The following PKN2 variants were observed in gnomAD, a reference collection of about 807,000 sequenced individuals.
PKN2 encodes the protein protein kinase N2, also known as serine/threonine-protein kinase N2.
Under a neutral mutation model 119.1 loss-of-function variants are expected in PKN2, and 38 were observed. That is an observed-to-expected ratio of 0.32 (90% CI 0.25 to 0.42). The LOEUF (loss-of-function observed/expected upper bound fraction) is 0.42, where lower values mean the gene tolerates loss of function less well. Ranked by LOEUF, PKN2 falls within the 10% of genes least tolerant of loss-of-function variation. The pLI is 1.00. For missense variants in PKN2, 850 were observed against 1,165.1 expected (o/e 0.73, Z 3.94); for synonymous variants, 390 against 384.9 (o/e 1.01, Z -0.15).
At chr1:88,831,277 G>A (rs1381186318) in intron 19 of PKN2, among the ~76,000 whole-genome samples, 1 of 151,708 alleles carries the variant, frequency 6.6e-6, no homozygotes, top group Non-Finnish European at 1.5e-5. Context: ...TTTAACAAAT[G>A]TATAGATATT....
chr1:88,824,014 A>AAAG (rs1672401004), intron 17 of PKN2, among the ~76,000 whole-genome samples: 1 of 151,740 alleles, frequency 6.6e-6, no homozygotes, highest in Admixed American at 6.6e-5. Context: ...GTCTCAAAAA[A>AAAG]AAAAAAAAAA....
At chr1:88,760,504 C>G (rs1291468193) in intron 3 of PKN2, 128 bp downstream of exon 3, 5 of 536,140 alleles carry the variant, frequency 9.3e-6, no homozygotes, top group Non-Finnish European at 1.6e-5. Flanking sequence ...GGCACTTTGG[C>G]AGTCATTTGT....
At chr1:88,727,482 T>A (rs1245572954) in intron 1 of PKN2, among the ~76,000 whole-genome samples, 1 of 152,210 alleles carries the variant, frequency 6.6e-6, no homozygotes, top group African/African-American at 2.4e-5. Context: ...AAGGCCACAT[T>A]TTTTTAATCC....
chr1:88,698,807 G>T (rs1016032819), intron 1 of PKN2, among the ~76,000 whole-genome samples: 3 of 152,012 alleles, frequency 2.0e-5, no homozygotes, highest in African/African-American at 7.2e-5. Flanking sequence ...TGATTTATAG[G>T]TGACTTACAA....
chr1:88,820,136 G>A (rs1482463061), intron 16 of PKN2, among the ~76,000 whole-genome samples: 1 of 130,928 alleles, frequency 7.6e-6, no homozygotes, highest in Non-Finnish European at 1.6e-5. Context: ...GAACTTAAAA[G>A]TATAATTTAA....
chr1:88,806,390 AAAC>A, intron 12 of PKN2: 3 of 217,416 alleles, frequency 1.4e-5, no homozygotes, highest in Non-Finnish European at 2.8e-5. Flanking sequence ...GGCTGGTCTT[AAAC>A]TCCTGACCTC....
At chr1:88,807,149 T>A (rs1310689077) in intron 12 of PKN2, among the ~76,000 whole-genome samples, 164 bp from the exon 13 acceptor site, 1 of 151,946 alleles carries the variant, frequency 6.6e-6, no homozygotes, top group Non-Finnish European at 1.5e-5. Context: ...GACCCACCTC[T>A]AAAAAAAGAA....
intron 2 of PKN2, among the ~76,000 whole-genome samples, chr1:88,743,029 A>G (rs957711014): frequency 6.6e-6 from 1 of 152,116 alleles, no homozygotes; most frequent in Non-Finnish European, 1.5e-5. Context: ...TGTCTCTACT[A>G]AAAATACGAA....
intron 8 of PKN2, among the ~76,000 whole-genome samples, chr1:88,787,388 A>G (rs1005693709): frequency 7.9e-5 from 12 of 152,178 alleles, no homozygotes; most frequent in African/African-American, 2.4e-4. Flanking sequence ...TTTATATTGA[A>G]AAGAGAAATT....
At chr1:88,815,715 T>G (rs1570673513) in intron 16 of PKN2, among the ~76,000 whole-genome samples, 2 of 152,240 alleles carry the variant, frequency 1.3e-5, no homozygotes, top group Non-Finnish European at 2.9e-5. Context: ...GTAAAATATC[T>G]TAAGGCTTGA....
chr1:88,693,114 G>GTGTATGTATA, intron 1 of PKN2, among the ~76,000 whole-genome samples: 1 of 152,210 alleles, frequency 6.6e-6, no homozygotes, highest in Middle Eastern at 3.4e-3. Flanking sequence ...CACTTCATCA[G>GTGTATGTATA]TTGCTTATTT....
At chr1:88,813,992 T>A (rs1671882326) in intron 16 of PKN2, among the ~76,000 whole-genome samples, 2 of 152,140 alleles carry the variant, frequency 1.3e-5, no homozygotes, top group Admixed American at 1.3e-4. Flanking sequence ...GTAAAATTTC[T>A]TTTTTTGCTA....
intron 19 of PKN2, chr1:88,829,309 G>A: frequency 1.7e-6 from 1 of 598,728 alleles, no homozygotes; most frequent in South Asian, 1.7e-5. Flanking sequence ...CTTCACATGT[G>A]CTATCAAAAG....
intron 1 of PKN2, among the ~76,000 whole-genome samples, chr1:88,717,276 G>A (rs577307822): frequency 2.6e-5 from 4 of 152,144 alleles, no homozygotes; most frequent in Admixed American, 2.6e-4. Context: ...ATGTATCTTG[G>A]AGTTGCTCTT....
intron 2 of PKN2, among the ~76,000 whole-genome samples, chr1:88,756,401 C>G (rs1669203863): frequency 1.3e-5 from 2 of 152,164 alleles, no homozygotes; most frequent in Admixed American, 6.5e-5. Flanking sequence ...CCTTTTTACT[C>G]ATTGGTTCTA....
intron 1 of PKN2, among the ~76,000 whole-genome samples, chr1:88,738,058 T>G (rs113407287): frequency 2.6e-5 from 4 of 152,186 alleles, no homozygotes; most frequent in Non-Finnish European, 5.9e-5. Flanking sequence ...CTCTGCCTCT[T>G]CTCCAAATTC....
intron 1 of PKN2, among the ~76,000 whole-genome samples, chr1:88,687,257 A>G (rs974697528): frequency 6.6e-6 from 1 of 152,140 alleles, no homozygotes; most frequent in Non-Finnish European, 1.5e-5. Context: ...CAGGAGGCTT[A>G]TTCAACAAGG....
At chr1:88,708,289 G>A (rs1333762113) in intron 1 of PKN2, among the ~76,000 whole-genome samples, 2 of 151,986 alleles carry the variant, frequency 1.3e-5, no homozygotes, top group Non-Finnish European at 2.9e-5. Context: ...GTTCTCTATA[G>A]GTTTTTGTTG....
intron 16 of PKN2, among the ~76,000 whole-genome samples, chr1:88,821,568 G>A (rs1216956584): frequency 1.3e-5 from 2 of 151,992 alleles, no homozygotes; most frequent in African/African-American, 2.4e-5. Flanking sequence ...AACATGTTAC[G>A]CCTTTTGCAC....
Sources: allele counts gnomAD v4.1 joint callset (sites outside exome capture counted in the v4.1 genomes callset), GRCh38; gene constraint gnomAD v4.1.1; transcripts MANE v1.5; gene names NCBI Gene and HGNC (gene_info 2026-07-23, HGNC 2026-07-21).